ELK3: variants seen among roughly 807,000 people sequenced by gnomAD.
The protein encoded by ELK3 is ETS domain-containing protein Elk-3.
Under a neutral mutation model 28.9 loss-of-function variants are expected in ELK3, and 10 were observed. That is an observed-to-expected ratio of 0.35 (90% CI 0.21 to 0.59). The LOEUF (loss-of-function observed/expected upper bound fraction) is 0.59. ELK3 is among the 20% of genes least tolerant of loss of function. The pLI, the probability that ELK3 is intolerant of heterozygous loss-of-function variation, is 0.82. For missense variants in ELK3, 463 were observed against 517.3 expected (o/e 0.90, Z 1.02); for synonymous variants, 272 against 243.5 (o/e 1.12, Z -1.09).
chr12:96,251,009 C>T (rs973751606), intron 3 of ELK3, among the ~76,000 whole-genome samples: 32 of 152,138 alleles, frequency 2.1e-4, no homozygotes, highest in African/African-American at 7.0e-4. Context: ...TGCTTTATTA[C>T]GTTTCACAAT....
chr12:96,238,262 T>C (rs1592682911), intron 2 of ELK3, among the ~76,000 whole-genome samples: 1 of 152,388 alleles, frequency 6.6e-6, no homozygotes, highest in Middle Eastern at 3.4e-3. Flanking sequence ...AGTGAGGCAC[T>C]GACTGCGTTG....
intron 2 of ELK3, chr12:96,224,061 T>C: frequency 2.7e-6 from 1 of 373,498 alleles, no homozygotes; most frequent in Non-Finnish European, 5.0e-6. Flanking sequence ...GCTCTGGGGC[T>C]TTCCTCATGT....
chr12:96,228,624 A>C (rs1951721312), intron 2 of ELK3, among the ~76,000 whole-genome samples: 1 of 152,022 alleles, frequency 6.6e-6, no homozygotes, highest in Non-Finnish European at 1.5e-5. Flanking sequence ...TCATATATTT[A>C]ATCTGTTCTG....
chr12:96,225,959 C>T (rs533672938), intron 2 of ELK3, among the ~76,000 whole-genome samples: 2 of 152,080 alleles, frequency 1.3e-5, no homozygotes, highest in East Asian at 3.9e-4. Context: ...ATGGTGAGAC[C>T]CTGTCACAAC....
intron 2 of ELK3, among the ~76,000 whole-genome samples, chr12:96,226,309 C>T (rs571867220): frequency 6.6e-6 from 1 of 152,316 alleles, no homozygotes; most frequent in African/African-American, 2.4e-5. Flanking sequence ...GACCTTTGAG[C>T]AGCCCCAGGC....
intron 1 of ELK3, among the ~76,000 whole-genome samples, chr12:96,203,597 CTT>C (rs1374667313): frequency 6.6e-6 from 1 of 152,188 alleles, no homozygotes. Flanking sequence ...ATGTCCATCT[CTT>C]TTCTAGACAA....
intron 4 of ELK3, among the ~76,000 whole-genome samples, chr12:96,262,830 T>A (rs1049951717): frequency 3.2e-4 from 49 of 151,776 alleles, no homozygotes; most frequent in African/African-American, 1.1e-3. Flanking sequence ...TTTTTTTTTT[T>A]AAATTTAGAG....
chr12:96,210,277 G>A (rs771290443), intron 1 of ELK3, among the ~76,000 whole-genome samples: 12 of 152,078 alleles, frequency 7.9e-5, no homozygotes, highest in Non-Finnish European at 1.8e-4. Flanking sequence ...GGTCCTCCAT[G>A]AAATCCTAAA....
chr12:96,210,597 A>ACACACACC lies in ELK3; in HGVS notation c.-2-12967_-2-12966insACACACCC, dbSNP rs1416746905. 6.8e-3 allele frequency among the ~76,000 whole-genome samples: 1,016 copies of ACACACACC among 148,990 alleles called. 7 individuals carry two copies. The highest frequency in any genetic ancestry group is 0.014 in the East Asian group (71 of 5,086). ...CACACACACACACACACACACACAC[A>ACACACACC]CCCCGAGTGGGAGGTCCAGGGGCAC... On this transcript the variant is annotated intron_variant, in intron 1 of 4. Coordinates refer to ENST00000228741, the MANE Select transcript of ELK3 (RefSeq NM_005230.4).
At chr12:96,220,107 A>G (rs1951651837) in intron 1 of ELK3, among the ~76,000 whole-genome samples, 1 of 152,182 alleles carries the variant, frequency 6.6e-6, no homozygotes, top group South Asian at 2.1e-4. Flanking sequence ...TGTGATTCCT[A>G]GTGAACAGCT....
At chr12:96,210,386 C>T (rs1344952219) in intron 1 of ELK3, among the ~76,000 whole-genome samples, 1 of 152,138 alleles carries the variant, frequency 6.6e-6, no homozygotes, top group Non-Finnish European at 1.5e-5. Flanking sequence ...CTTGCCAGAT[C>T]CTGTCATGCA....
At chr12:96,218,339 G>A (rs1351955710) in intron 1 of ELK3, among the ~76,000 whole-genome samples, 1 of 152,176 alleles carries the variant, frequency 6.6e-6, no homozygotes, top group African/African-American at 2.4e-5. Flanking sequence ...GCAGACTGAT[G>A]GGCCTCAGTA....
At chr12:96,199,746 A>G (rs1951496707) in intron 1 of ELK3, among the ~76,000 whole-genome samples, 1 of 152,224 alleles carries the variant, frequency 6.6e-6, no homozygotes, top group East Asian at 1.9e-4. Flanking sequence ...GAATAAAGTC[A>G]TTGACTACTT....
At chr12:96,198,087 C>T (rs968591604) in intron 1 of ELK3, 1 of 152,162 alleles carries the variant, frequency 6.6e-6, no homozygotes, top group African/African-American at 2.4e-5. Context: ...CAAAACACTT[C>T]ATAGAAAACT....
chr12:96,203,792 T>A (rs560293619), intron 1 of ELK3, among the ~76,000 whole-genome samples: 8 of 152,258 alleles, frequency 5.3e-5, no homozygotes, highest in African/African-American at 1.9e-4. Context: ...AATACAAAAA[T>A]TAGCCGAGTG....
intron 1 of ELK3, among the ~76,000 whole-genome samples, chr12:96,218,527 T>G (rs1230806045): frequency 6.6e-6 from 1 of 152,040 alleles, no homozygotes; most frequent in African/African-American, 2.4e-5. Flanking sequence ...GTTCGCTATT[T>G]GGGTGGTGGG....
intron 1 of ELK3, among the ~76,000 whole-genome samples, chr12:96,210,602 G>A (rs1242398519): frequency 6.6e-5 from 6 of 90,288 alleles, no homozygotes; most frequent in Non-Finnish European, 1.4e-4. Flanking sequence ...CACACACCCC[G>A]AGTGGGAGGT....
At position 96,268,390 on chromosome 12, in the gene ELK3, A is replaced by C; in HGVS notation, c.*1210A>C. ...CTGACAGATGAAAAATTCTACAGGAACCTCATCATCGTGGAACTGAACTGA... is the reference window on the plus strand; with the variant it reads ...CTGACAGATGAAAAATTCTACAGGACCCTCATCATCGTGGAACTGAACTGA... On this transcript the variant is annotated 3_prime_UTR_variant, in exon 5 of 5. Transcript: ENST00000228741. 1 of 152,294 alleles carries C rather than the reference A, an allele frequency of 6.6e-6. No individual in the cohort carries two copies. The highest frequency in any genetic ancestry group is 2.4e-5 in the African/African-American group (1 of 41,558). 9.4% of individuals were successfully genotyped at this position (152,294 alleles called of 1,614,324 possible).
chr12:96,217,978 C>T (rs1359515665), intron 1 of ELK3, among the ~76,000 whole-genome samples: 2 of 150,038 alleles, frequency 1.3e-5, no homozygotes, highest in Admixed American at 1.3e-4. Flanking sequence ...ACACTGAGAA[C>T]GAAAATCACT....
Sources: allele counts gnomAD v4.1 joint callset (sites outside exome capture counted in the v4.1 genomes callset), GRCh38; gene constraint gnomAD v4.1.1; transcripts MANE v1.5; gene names NCBI Gene and HGNC (gene_info 2026-07-23, HGNC 2026-07-21).